CUX1: variants seen among roughly 807,000 people sequenced by gnomAD.
CUX1 encodes the protein cut like homeobox 1.
Under a neutral mutation model 158.8 loss-of-function variants are expected in CUX1, and 31 were observed. The ratio of observed to expected loss-of-function variants is 0.20; its 90% CI spans 0.15 to 0.26. CUX1 has a LOEUF of 0.26. Ranked by LOEUF, CUX1 falls within the 10% of genes least tolerant of loss-of-function variation. The probability of loss-of-function intolerance (pLI) is 1.00; values close to 1 mark genes in which losing one functional copy is unlikely to be tolerated. For missense variants in CUX1, 1,589 were observed against 2,014.6 expected, an observed-to-expected ratio of 0.79 and a Z score of 4.04; for synonymous variants, 879 against 862.1, an observed-to-expected ratio of 1.02 and a Z score of -0.34.
intron 20 of CUX1, among the ~76,000 whole-genome samples, chr7:102,216,548 C>CCCA (rs1470074288): frequency 9.3e-6 from 1 of 107,754 alleles, no homozygotes; most frequent in Non-Finnish European, 1.9e-5. Flanking sequence ...ACACACACAC[C>CCCA]CACACACGCA....
At chr7:101,842,975 C>T (rs1795327461) in intron 1 of CUX1, among the ~76,000 whole-genome samples, 1 of 149,740 alleles carries the variant, frequency 6.7e-6, no homozygotes, top group Non-Finnish European at 1.5e-5. Flanking sequence ...ACACCATTCT[C>T]CTGCCTCAGC....
chr7:102,085,060 A>T (rs2130786944), intron 4 of CUX1, among the ~76,000 whole-genome samples: 1 of 151,940 alleles, frequency 6.6e-6, no homozygotes, highest in Non-Finnish European at 1.5e-5. Context: ...TAGCTTGCGG[A>T]GAATTTTTGT....
At chr7:102,070,525 C>A in intron 4 of CUX1, 108 bp downstream of exon 4, 1 of 761,474 alleles carries the variant, frequency 1.3e-6, no homozygotes. Flanking sequence ...AATACACCAT[C>A]AGTGGCAACT....
intron 8 of CUX1, among the ~76,000 whole-genome samples, chr7:102,127,606 A>T (rs560457154): frequency 8.5e-5 from 13 of 152,048 alleles, no homozygotes; most frequent in African/African-American, 3.1e-4. Flanking sequence ...ACATGTTGTA[A>T]ATATTTCTTG....
At chr7:102,102,775 A>G (rs1318281648) in intron 5 of CUX1, among the ~76,000 whole-genome samples, 1 of 152,124 alleles carries the variant, frequency 6.6e-6, no homozygotes, top group Non-Finnish European at 1.5e-5. Flanking sequence ...AATTCCTAAG[A>G]GCTCCCCTCT....
At position 101,891,007 on chromosome 7, in the gene CUX1, CG is replaced by C. The variant is rs1470736918; in HGVS notation, c.31-25102del. 2.0e-5 allele frequency among the ~76,000 whole-genome samples: 3 copies of C among 149,804 alleles called. No individual in the cohort carries two copies. The East Asian group carries it at 5.9e-4, about 29-fold the overall frequency. ...GCAGGATTTTTTTTTTGAGCGGGGG[CG>C]GGGGGAATATGATTTTGTGTCACAT... is the stretch of plus-strand genomic sequence containing the variant. On this transcript the variant is annotated intron_variant, in intron 1 of 23. Coordinates refer to ENST00000292535, the MANE Select transcript of CUX1 (RefSeq NM_181552.4).
At chr7:102,240,834 T>C (rs567557488) in intron 23 of CUX1, among the ~76,000 whole-genome samples, 1 of 152,288 alleles carries the variant, frequency 6.6e-6, no homozygotes, top group East Asian at 1.9e-4. Flanking sequence ...TTGTTGTTGT[T>C]GTTTGAGACG....
intron 7 of CUX1, among the ~76,000 whole-genome samples, chr7:102,114,931 A>T (rs1554491303): frequency 2.0e-5 from 3 of 151,532 alleles, no homozygotes; most frequent in Non-Finnish European, 4.4e-5. Flanking sequence ...AGTGGGAAAG[A>T]AGAAAGGAAG....
intron 9 of CUX1, among the ~76,000 whole-genome samples, chr7:102,168,918 C>CTTTTTT (rs1239519322): frequency 1.3e-4 from 11 of 84,114 alleles, no homozygotes; most frequent in Admixed American, 4.7e-4. Context: ...CTTTTATTTT[C>CTTTTTT]TTTTCTTTTC....
At chr7:101,943,078 C>CTTTTTTTTTTTT (rs58332486) in intron 2 of CUX1, among the ~76,000 whole-genome samples, 3 of 80,332 alleles carry the variant, frequency 3.7e-5, no homozygotes, top group African/African-American at 5.1e-5. Context: ...CTGGTCAGTG[C>CTTTTTTTTTTTT]TTTTTTTTTT....
intron 2 of CUX1, among the ~76,000 whole-genome samples, chr7:101,986,374 T>C (rs1235415936): frequency 6.6e-6 from 1 of 152,248 alleles, no homozygotes; most frequent in African/African-American, 2.4e-5. Context: ...TACAAGGCTC[T>C]TTTCCATAAG....
intron 1 of CUX1, among the ~76,000 whole-genome samples, chr7:101,823,215 T>A (rs1392193652): frequency 6.6e-6 from 1 of 152,130 alleles, no homozygotes; most frequent in East Asian, 1.9e-4. Context: ...CAAGCAGGAC[T>A]GGTACAGATC....
rs932486680 is a variant in CUX1, at chr7:101,916,356, C to A, written c.141+131C>A. ...CCGGCAAACAACCCGTTTCTTTCCC[C>A]AGATGTCTTCAGCCCCATTTCCAGC... On this transcript the variant is annotated intron_variant, in intron 2 of 23. Coordinates refer to ENST00000292535, the MANE Select transcript of CUX1 (RefSeq NM_181552.4). This position sits in a 1 kb window ranked among gnomAD's most constrained non-coding sequence, Gnocchi z 4.4. 3.2e-6 allele frequency: 2 copies of A among 618,674 alleles called. No individual in the cohort carries two copies. The highest frequency in any genetic ancestry group is 3.6e-5 in the African/African-American group (2 of 55,002). The allele number at this position is 618,674 out of a possible 1,614,324, so 38.3% of individuals were successfully genotyped here.
intron 2 of CUX1, among the ~76,000 whole-genome samples, chr7:101,921,358 G>A (rs1804903593): frequency 1.3e-5 from 2 of 152,140 alleles, no homozygotes; most frequent in Non-Finnish European, 2.9e-5. Context: ...ATTAACCTGG[G>A]AATACTCACC....
At chr7:102,002,008 A>T (rs1469248640) in intron 2 of CUX1, among the ~76,000 whole-genome samples, 4 of 152,252 alleles carry the variant, frequency 2.6e-5, no homozygotes, top group Non-Finnish European at 4.4e-5. Flanking sequence ...AAAACAAGAC[A>T]GTAAGCTGGG....
At chr7:101,989,392 A>G (rs1345151217) in intron 2 of CUX1, among the ~76,000 whole-genome samples, 10 of 152,218 alleles carry the variant, frequency 6.6e-5, no homozygotes, top group South Asian at 2.1e-4. Flanking sequence ...CCGTGATTTC[A>G]TCTCAGCCTC....
chr7:101,908,447 G>GT (rs760841699), intron 1 of CUX1, among the ~76,000 whole-genome samples: 1 of 106,762 alleles, frequency 9.4e-6, no homozygotes, highest in Non-Finnish European at 2.0e-5. Flanking sequence ...CGCCCAGCCT[G>GT]TTTTTTGTTT....
intron 1 of CUX1, chr7:101,822,611 A>G (rs1228482593): frequency 1.3e-5 from 2 of 152,214 alleles, no homozygotes; most frequent in Non-Finnish European, 1.5e-5. Context: ...TTTTCGAAAG[A>G]CGTCTAAGGC....
chr7:102,070,269 G>A (rs1390562387), intron 3 of CUX1, 70 bp from the exon 4 acceptor site: 8 of 1,335,356 alleles, frequency 6.0e-6, no homozygotes, highest in Non-Finnish European at 8.5e-6. Flanking sequence ...GATGTGTAAT[G>A]CTTTGTAAAT....
Sources: allele counts gnomAD v4.1 joint callset (sites outside exome capture counted in the v4.1 genomes callset), GRCh38; gene constraint gnomAD v4.1.1; non-coding constraint Gnocchi (gnomAD v3.1); transcripts MANE v1.5; gene names NCBI Gene and HGNC (gene_info 2026-07-23, HGNC 2026-07-21).